The following ADARB2 variants were observed in gnomAD, a reference collection of about 807,000 sequenced individuals.
ADARB2 encodes the protein inactive double-stranded RNA-specific editase B2.
ADARB2 carries 25 observed loss-of-function variants against 62.2 expected under a neutral mutation model. The observed-to-expected ratio is 0.40, with a 90% confidence interval of 0.29 to 0.56. The LOEUF is 0.56. Among genes scored for constraint, ADARB2 ranks in the 20% least tolerant of loss-of-function variants. ADARB2 has a pLI of 0.43. For synonymous variants in ADARB2, 572 were observed against 500.8 expected, an observed-to-expected ratio of 1.14 and a Z score of -1.90; for missense variants, 1,071 against 1,077.4, an observed-to-expected ratio of 0.99 and a Z score of 0.08.
At chr10:1,492,363 G>T (rs138359722) in intron 1 of ADARB2, among the ~76,000 whole-genome samples, 5 of 152,286 alleles carry the variant, frequency 3.3e-5, no homozygotes, top group African/African-American at 1.2e-4. Context: ...CCCCACTGCG[G>T]TAGAGTGGGT....
intron 1 of ADARB2, among the ~76,000 whole-genome samples, chr10:1,604,445 C>G (rs1227331629): frequency 1.3e-5 from 2 of 152,158 alleles, no homozygotes; most frequent in Admixed American, 6.5e-5. Flanking sequence ...CGACCCAGAT[C>G]CCTAGAGCCC....
intron 1 of ADARB2, among the ~76,000 whole-genome samples, chr10:1,500,636 G>A (rs1411016953): frequency 1.3e-5 from 2 of 152,120 alleles, no homozygotes; most frequent in Non-Finnish European, 2.9e-5. Flanking sequence ...ATTTTGATTA[G>A]GGCGATAAAA....
intron 4 of ADARB2, among the ~76,000 whole-genome samples, chr10:1,258,593 GAACT>G (rs1564238159): frequency 1.3e-5 from 2 of 152,140 alleles, no homozygotes; most frequent in African/African-American, 2.4e-5. Flanking sequence ...TCAACAAGAA[GAACT>G]AACTATTCTA....
intron 1 of ADARB2, among the ~76,000 whole-genome samples, chr10:1,437,013 G>A (rs988170698): frequency 2.0e-5 from 3 of 152,132 alleles, no homozygotes; most frequent in Admixed American, 6.5e-5. Flanking sequence ...TCACCTGAAG[G>A]AGCCTGTCTA....
intron 1 of ADARB2, among the ~76,000 whole-genome samples, chr10:1,713,664 TAA>T (rs900279156): frequency 6.6e-6 from 1 of 152,166 alleles, no homozygotes; most frequent in Non-Finnish European, 1.5e-5. Flanking sequence ...AGAAGCCTGT[TAA>T]ACAAGCGCCA....
chr10:1,736,430 G>T (rs150591832), intron 1 of ADARB2, among the ~76,000 whole-genome samples: 1,924 of 152,274 alleles, frequency 0.013, 15 homozygotes, highest in Middle Eastern at 0.024. Context: ...CTGGTTTGCG[G>T]TTTTTTTCTA....
chr10:1,302,622 G>A (rs1432581575), intron 3 of ADARB2, among the ~76,000 whole-genome samples: 1 of 152,220 alleles, frequency 6.6e-6, no homozygotes, highest in Non-Finnish European at 1.5e-5. Flanking sequence ...AGACTTAAAT[G>A]TCCCTGTCTG....
intron 1 of ADARB2, among the ~76,000 whole-genome samples, chr10:1,509,789 A>G (rs960743234): frequency 6.6e-6 from 1 of 152,232 alleles, no homozygotes; most frequent in African/African-American, 2.4e-5. Flanking sequence ...GCGAAATGGA[A>G]AGGGGAATTC....
At chr10:1,260,792 G>C (rs1455304032) in intron 4 of ADARB2, among the ~76,000 whole-genome samples, 2 of 128,780 alleles carry the variant, frequency 1.6e-5, no homozygotes, top group African/African-American at 5.5e-5. Flanking sequence ...CACAGAATTG[G>C]AAAAAACTAC....
intron 1 of ADARB2, among the ~76,000 whole-genome samples, chr10:1,516,064 C>T (rs913545362): frequency 6.6e-6 from 1 of 152,166 alleles, no homozygotes. Flanking sequence ...AGAGGACGGC[C>T]CTACTGTCAA....
chr10:1,444,912 G>T (rs552673364), intron 1 of ADARB2, among the ~76,000 whole-genome samples: 4 of 110,428 alleles, frequency 3.6e-5, no homozygotes, highest in Non-Finnish European at 1.8e-5. Flanking sequence ...CTGACCATCC[G>T]TCTACATTCT....
intron 3 of ADARB2, among the ~76,000 whole-genome samples, chr10:1,346,903 G>A (rs1832085989): frequency 6.6e-6 from 1 of 152,286 alleles, no homozygotes; most frequent in Admixed American, 6.5e-5. Flanking sequence ...CAGATTGCAT[G>A]TCAATGGGGA....
At position 1,363,018 on chromosome 10, in the gene ADARB2, C is replaced by CTT; in HGVS notation, c.1077+9_1077+10insAA. The CTT allele has an allele frequency of 6.6e-6, 9 of 1,353,912 alleles. No individual in the cohort carries two copies. Among genetic ancestry groups the CTT allele is most frequent in the Non-Finnish European group, 8.6e-6 (9 of 1,050,800 alleles). The allele number at this position is 1,353,912 out of a possible 1,614,324, so 83.9% of individuals were successfully genotyped here. A position where few individuals can be genotyped will look rare whatever the true frequency, so the allele number is the denominator to read the frequency against. Reference sequence around the variant, plus strand: ...CCGCCCGTTCCCCCTGCACCCGCCGCGCCCCTCACCTGCGGCATTGGCGTC... The same window carrying CTT: ...CCGCCCGTTCCCCCTGCACCCGCCGCTTGCCCCTCACCTGCGGCATTGGCGTC... On this transcript the variant is annotated intron_variant, in intron 3 of 9. Coordinates refer to ENST00000381312, the MANE Select transcript of ADARB2 (RefSeq NM_018702.4).
intron 2 of ADARB2, among the ~76,000 whole-genome samples, chr10:1,365,644 G>A (rs967994132): frequency 2.0e-5 from 3 of 152,172 alleles, no homozygotes; most frequent in African/African-American, 7.2e-5. Context: ...AGTGTTTTCA[G>A]GTAGGTACCA....
intron 1 of ADARB2, among the ~76,000 whole-genome samples, chr10:1,443,877 T>C (rs1368795236): frequency 6.6e-6 from 1 of 152,200 alleles, no homozygotes; most frequent in Non-Finnish European, 1.5e-5. Context: ...AATGTTTCCT[T>C]ATTCAGCATG....
At chr10:1,594,357 C>G (rs995998891) in intron 1 of ADARB2, among the ~76,000 whole-genome samples, 6 of 152,102 alleles carry the variant, frequency 3.9e-5, no homozygotes, top group Non-Finnish European at 5.9e-5. Flanking sequence ...GACTGCCTCC[C>G]GGGGCGAGGT....
chr10:1,683,885 G>A (rs527593559), intron 1 of ADARB2, among the ~76,000 whole-genome samples: 18 of 152,218 alleles, frequency 1.2e-4, no homozygotes, highest in African/African-American at 4.3e-4. Context: ...CTCTGTAAAC[G>A]GAGCCTCCCT....
rs1374579908 is a variant in ADARB2 at position 1,398,623 on chromosome 10, C to T, written c.101-19463G>A. ...AAAAACGTGTATTTGCCGTTTCTTTCTTTGAGAAATCTGTAATAGGCTAAG... is the reference window on the plus strand; with the variant it reads ...AAAAACGTGTATTTGCCGTTTCTTTTTTTGAGAAATCTGTAATAGGCTAAG... On this transcript the variant is annotated intron_variant, in intron 1 of 9. Transcript: ENST00000381312. This position sits in a 1 kb window ranked among gnomAD's most constrained non-coding sequence, Gnocchi z 4.1. Among the ~76,000 whole-genome samples the T allele has an allele frequency of 6.6e-6, 1 of 152,188 alleles. No homozygotes were observed. The highest frequency in any genetic ancestry group is 1.5e-5 in the Non-Finnish European group (1 of 68,022).
chr10:1,595,604 C>T (rs1280594603), intron 1 of ADARB2, among the ~76,000 whole-genome samples: 1 of 152,224 alleles, frequency 6.6e-6, no homozygotes, highest in African/African-American at 2.4e-5. Context: ...CTTCCCTGTC[C>T]TCCCAGTCCA....
Sources: allele counts gnomAD v4.1 joint callset (sites outside exome capture counted in the v4.1 genomes callset), GRCh38; gene constraint gnomAD v4.1.1; non-coding constraint Gnocchi (gnomAD v3.1); transcripts MANE v1.5; gene names NCBI Gene and HGNC (gene_info 2026-07-23, HGNC 2026-07-21).